Variants in GRIK2 observed in about 807,000 individuals in gnomAD.
GRIK2 encodes the protein glutamate receptor ionotropic, kainate 2.
In GRIK2, 32 loss-of-function variants were observed where a neutral mutation model predicts 100.3. That is an observed-to-expected ratio of 0.32 (90% CI 0.24 to 0.43). The LOEUF is 0.43. Ranked by LOEUF, GRIK2 falls within the 20% of genes least tolerant of loss-of-function variation. The probability of loss-of-function intolerance (pLI) is 1.00; values close to 1 mark genes in which losing one functional copy is unlikely to be tolerated. For missense variants in GRIK2, 843 were observed against 1,114.9 expected (o/e 0.76, Z 3.47); for synonymous variants, 417 against 389.4 (o/e 1.07, Z -0.83).
intron 7 of GRIK2, among the ~76,000 whole-genome samples, chr6:101,771,141 T>G (rs1177922427): frequency 6.6e-6 from 1 of 152,130 alleles, no homozygotes; most frequent in Non-Finnish European, 1.5e-5. Flanking sequence ...ACTCTAAGAC[T>G]GTTATCATTT....
At chr6:102,047,033 A>G (rs1345831896) in intron 15 of GRIK2, among the ~76,000 whole-genome samples, 5 of 152,172 alleles carry the variant, frequency 3.3e-5, no homozygotes, top group Admixed American at 6.6e-5. Flanking sequence ...GAAACATAAT[A>G]TATCAAAACC....
intron 7 of GRIK2, among the ~76,000 whole-genome samples, chr6:101,779,877 C>CTCTA (rs1554262254): frequency 0.029 from 4,430 of 151,690 alleles, 168 homozygotes; most frequent in African/African-American, 0.088. Context: ...ATCTCTCTCT[C>CTCTA]TATATATATA....
At chr6:101,837,656 T>C (rs965066397) in intron 10 of GRIK2, among the ~76,000 whole-genome samples, 11 of 152,208 alleles carry the variant, frequency 7.2e-5, no homozygotes, top group Admixed American at 4.6e-4. Flanking sequence ...TCTCTGCGAA[T>C]CTAGAGCCAC....
At chr6:101,759,801 TA>T (rs11320536) in intron 7 of GRIK2, among the ~76,000 whole-genome samples, 7,985 of 151,622 alleles carry the variant, frequency 0.053, 720 homozygotes, top group African/African-American at 0.18. Flanking sequence ...TTTTAAAAAA[TA>T]AAAAAAGGTT....
intron 14 of GRIK2, among the ~76,000 whole-genome samples, chr6:101,967,366 G>A (rs961559062): frequency 1.3e-5 from 2 of 151,978 alleles, no homozygotes; most frequent in African/African-American, 4.8e-5. Context: ...ATTTTTTAGA[G>A]GTTATCACAA....
chr6:101,447,527 C>T (rs1770445939), intron 2 of GRIK2, among the ~76,000 whole-genome samples: 1 of 151,666 alleles, frequency 6.6e-6, no homozygotes, highest in Admixed American at 6.6e-5. Flanking sequence ...GGTTACCTAA[C>T]ATATTAGGAT....
At chr6:101,474,983 T>A (rs1380101091) in intron 2 of GRIK2, among the ~76,000 whole-genome samples, 2 of 151,862 alleles carry the variant, frequency 1.3e-5, no homozygotes, top group Non-Finnish European at 2.9e-5. Context: ...CATAGTCCCA[T>A]CCAACCAAAC....
chr6:101,917,243 T>C (rs1789175968), intron 12 of GRIK2, among the ~76,000 whole-genome samples: 1 of 151,674 alleles, frequency 6.6e-6, no homozygotes, highest in Non-Finnish European at 1.5e-5. Flanking sequence ...CTCTCATTTC[T>C]GGCTATTTTC....
intron 14 of GRIK2, among the ~76,000 whole-genome samples, chr6:101,957,474 T>G (rs1177104769): frequency 6.6e-6 from 1 of 151,372 alleles, no homozygotes; most frequent in Admixed American, 6.6e-5. Flanking sequence ...CTTATTTATT[T>G]ATTTTTATTA....
chr6:101,844,201 C>G (rs1488578330), intron 10 of GRIK2, among the ~76,000 whole-genome samples: 1 of 152,080 alleles, frequency 6.6e-6, no homozygotes. Context: ...GAAATTAGAT[C>G]TAAATTTACT....
At chr6:101,769,917 A>G (rs960065319) in intron 7 of GRIK2, among the ~76,000 whole-genome samples, 2 of 152,210 alleles carry the variant, frequency 1.3e-5, no homozygotes, top group East Asian at 3.8e-4. Context: ...ACCAATAACA[A>G]GGTTATCGCC....
chr6:101,563,126 T>C (rs2128296286), intron 2 of GRIK2, among the ~76,000 whole-genome samples: 1 of 152,290 alleles, frequency 6.6e-6, no homozygotes, highest in Non-Finnish European at 1.5e-5. Context: ...ATATTCCTTT[T>C]TTCACCTGCT....
chr6:101,670,541 A>G (rs1770356909), intron 4 of GRIK2, among the ~76,000 whole-genome samples: 1 of 152,156 alleles, frequency 6.6e-6, no homozygotes, highest in Non-Finnish European at 1.5e-5. Context: ...GATGAACTCT[A>G]CAAAAACTAT....
intron 4 of GRIK2, among the ~76,000 whole-genome samples, chr6:101,663,101 T>C (rs1769752585): frequency 1.3e-5 from 2 of 152,158 alleles, no homozygotes; most frequent in Admixed American, 6.5e-5. Context: ...TTGTTAGTCA[T>C]GAGCCCAGCA....
chr6:101,447,563 G>C (rs971781094), intron 2 of GRIK2, among the ~76,000 whole-genome samples: 1 of 151,656 alleles, frequency 6.6e-6, no homozygotes, highest in Non-Finnish European at 1.5e-5. Context: ...AGAAATGTAA[G>C]TTTTACTGAT....
intron 2 of GRIK2, among the ~76,000 whole-genome samples, chr6:101,501,850 T>C (rs908006130): frequency 6.6e-6 from 1 of 152,112 alleles, no homozygotes; most frequent in Admixed American, 6.5e-5. Context: ...CTCCGTCTCC[T>C]GGGTTCAAGC....
At chr6:101,862,206 A>G (rs1019099786) in intron 11 of GRIK2, among the ~76,000 whole-genome samples, 25 of 152,126 alleles carry the variant, frequency 1.6e-4, no homozygotes, top group African/African-American at 6.0e-4. Flanking sequence ...TCTCCTAGGC[A>G]GGTAAATTCT....
chr6:101,740,599 T>C (rs1249371014), intron 7 of GRIK2, among the ~76,000 whole-genome samples: 1 of 152,162 alleles, frequency 6.6e-6, no homozygotes, highest in African/African-American at 2.4e-5. Context: ...CTGTTTTGTG[T>C]TTTTATAAAG....
chr6:101,582,681 C>T (rs367842968), intron 2 of GRIK2, among the ~76,000 whole-genome samples: 13 of 152,020 alleles, frequency 8.6e-5, no homozygotes, highest in African/African-American at 2.2e-4. Flanking sequence ...AATGAAAACA[C>T]GTTGGTAATG....
Sources: allele counts gnomAD v4.1 joint callset (sites outside exome capture counted in the v4.1 genomes callset), GRCh38; gene constraint gnomAD v4.1.1; transcripts MANE v1.5; gene names NCBI Gene and HGNC (gene_info 2026-07-23, HGNC 2026-07-21).